The following TRMT9B variants were observed in gnomAD, a reference collection of about 807,000 sequenced individuals.
TRMT9B encodes tRNA methyltransferase 9B (putative), also known as probable tRNA methyltransferase 9B.
TRMT9B carries 16 observed loss-of-function variants against 11.5 expected under a neutral mutation model. The ratio of observed to expected loss-of-function variants is 1.39; its 90% confidence interval spans 0.94 to 2.11. TRMT9B has a LOEUF of 2.11. TRMT9B is among the 30% of genes most tolerant of loss of function. TRMT9B has a pLI of 0.00. For missense variants in TRMT9B, 941 were observed against 553.8 expected, an observed-to-expected ratio of 1.70 and a Z score of -7.02; for synonymous variants, 274 against 192.4, an observed-to-expected ratio of 1.42 and a Z score of -3.51.
At chr8:13,006,588 A>G in intron 3 of TRMT9B, 5 of 1,418,510 alleles carry the variant, frequency 3.5e-6, no homozygotes, top group Non-Finnish European at 4.6e-6. Flanking sequence ...TTGGCATGCC[A>G]GTACCTAGAA....
intron 1 of TRMT9B, among the ~76,000 whole-genome samples, chr8:12,985,759 C>T (rs1451213094): frequency 1.3e-5 from 2 of 152,288 alleles, no homozygotes; most frequent in South Asian, 4.1e-4. Context: ...GTTTGTGATC[C>T]TTCCTCCTCT....
At chr8:12,966,624 T>C (rs539493976) in intron 1 of TRMT9B, among the ~76,000 whole-genome samples, 13 of 152,364 alleles carry the variant, frequency 8.5e-5, no homozygotes, top group African/African-American at 3.1e-4. Context: ...TTGGTCTAAA[T>C]TTTTAGTTCA....
intron 1 of TRMT9B, among the ~76,000 whole-genome samples, chr8:12,980,584 C>T (rs1469388361): frequency 6.6e-6 from 1 of 151,972 alleles, no homozygotes; most frequent in African/African-American, 2.4e-5. Flanking sequence ...TAGAAAATGC[C>T]GTGAGATATT....
Position 13,022,314 on chromosome 8 carries a change from C to G in TRMT9B, c.*270C>G, listed in dbSNP as rs1312052139. 4 of 332,288 alleles carry G rather than the reference C, an allele frequency of 1.2e-5. No individual in the cohort carries two copies. Among genetic ancestry groups the G allele is most frequent in the Admixed American group, 4.7e-5 (1 of 21,326 alleles). The allele number at this position is 332,288 out of a possible 1,614,324, so 20.6% of individuals were successfully genotyped here. The stretch of plus-strand genomic sequence containing the variant: ...AAAGTACCCTTCAGTACACCTCAGA[C>G]TTTTTTTTAACCCCAGAGAGATAAA... On this transcript the variant is annotated 3_prime_UTR_variant, in exon 5 of 5. Transcript: ENST00000524591.
intron 4 of TRMT9B, among the ~76,000 whole-genome samples, chr8:13,015,292 A>G (rs1812428380): frequency 6.7e-6 from 1 of 150,194 alleles, no homozygotes; most frequent in Admixed American, 6.6e-5. Context: ...ATATTTTATC[A>G]TTTGTTGTCA....
Position 13,024,229 on chromosome 8 carries a change from G to A in TRMT9B, c.*2185G>A, listed in dbSNP as rs192715282. ...CGGCTGTTTTTTTGTATTTTTAGGA[G>A]AGACGGGGTTTCACCGTGTTAGCCA... On this transcript the variant is annotated 3_prime_UTR_variant, in exon 5 of 5. Coordinates refer to ENST00000524591, the MANE Select transcript of TRMT9B (RefSeq NM_020844.3). 797 of 154,100 alleles carry A rather than the reference G, an allele frequency of 5.2e-3. 3 individuals carry two copies. Among genetic ancestry groups the A allele is most frequent in the Non-Finnish European group, 7.8e-3 (528 of 68,088 alleles). 9.5% of individuals were successfully genotyped at this position (154,100 alleles called of 1,614,324 possible).
At chr8:13,002,356 CGTAAATAGACT>C (rs1036591787) in intron 2 of TRMT9B, among the ~76,000 whole-genome samples, 1 of 152,114 alleles carries the variant, frequency 6.6e-6, no homozygotes, top group African/African-American at 2.4e-5. Flanking sequence ...AAAGGGGAAA[CGTAAATAGACT>C]AAAATCTACT....
chr8:13,021,248 A>G lies in TRMT9B; in HGVS notation c.569A>G (p.Tyr190Cys). Reference sequence around the variant, plus strand: ...GGATACCCAGAAAGAGGCCATCCCTACCATCCTCCTTGCTCTGAGTGTAGC... The same window carrying G: ...GGATACCCAGAAAGAGGCCATCCCTGCCATCCTCCTTGCTCTGAGTGTAGC... ...QCGYPERGHP[Y>C]HPPCSECSCS... The change falls in exon 5 of 5, where the codon TAC becomes TGC. Residue 190 changes from tyrosine to cysteine, a missense_variant. Coordinates refer to ENST00000524591, the MANE Select transcript of TRMT9B (RefSeq NM_020844.3). 1.9e-6 allele frequency: 3 copies of G among 1,613,986 alleles called. No homozygotes were observed. Among genetic ancestry groups the G allele is most frequent in the Non-Finnish European group, 1.7e-6 (2 of 1,179,876 alleles).
intron 1 of TRMT9B, among the ~76,000 whole-genome samples, chr8:12,981,747 G>C (rs1805430346): frequency 6.6e-6 from 1 of 151,838 alleles, no homozygotes; most frequent in Non-Finnish European, 1.5e-5. Flanking sequence ...CTATAGGCAT[G>C]CACCACCACA....
chr8:12,953,409 G>C (rs1474306171), intron 1 of TRMT9B, among the ~76,000 whole-genome samples: 1 of 152,104 alleles, frequency 6.6e-6, no homozygotes, highest in Non-Finnish European at 1.5e-5. Context: ...GGGTGCAGTG[G>C]TGCGATCTTG....
intron 1 of TRMT9B, among the ~76,000 whole-genome samples, chr8:12,969,822 C>A (rs1412031340): frequency 6.6e-6 from 1 of 151,284 alleles, no homozygotes; most frequent in Non-Finnish European, 1.5e-5. Flanking sequence ...CAGGCCTGCA[C>A]CACCACACCC....
chr8:12,954,867 G>T (rs1175933578), intron 1 of TRMT9B, among the ~76,000 whole-genome samples: 2 of 152,138 alleles, frequency 1.3e-5, no homozygotes, highest in Non-Finnish European at 2.9e-5. Context: ...CATTTTAAGA[G>T]TTTGAACTAG....
intron 1 of TRMT9B, among the ~76,000 whole-genome samples, chr8:12,972,549 C>T (rs1050352252): frequency 3.9e-5 from 6 of 152,172 alleles, no homozygotes; most frequent in East Asian, 1.9e-4. Flanking sequence ...AGAGAGGAGC[C>T]GGTCCCCTCT....
chr8:12,971,137 T>C (rs935272897), intron 1 of TRMT9B, among the ~76,000 whole-genome samples: 1 of 152,240 alleles, frequency 6.6e-6, no homozygotes, highest in African/African-American at 2.4e-5. Flanking sequence ...GCAGTTCTTG[T>C]AGCTATTTTG....
chr8:12,969,001 C>G (rs374840268), intron 1 of TRMT9B, among the ~76,000 whole-genome samples: 6 of 152,122 alleles, frequency 3.9e-5, no homozygotes, highest in Non-Finnish European at 7.4e-5. Flanking sequence ...CACCTGAGGT[C>G]GGGAGTTCGA....
intron 1 of TRMT9B, chr8:12,958,716 C>G (rs77120702): frequency 4.6e-5 from 7 of 152,234 alleles, no homozygotes; most frequent in African/African-American, 1.7e-4. Flanking sequence ...TGAGATTGAA[C>G]AAAAGAATTC....
chr8:13,002,042 T>TTAAAA (rs1809540358), intron 2 of TRMT9B, among the ~76,000 whole-genome samples: 1 of 152,348 alleles, frequency 6.6e-6, no homozygotes, highest in African/African-American at 2.4e-5. Flanking sequence ...AAATCTGCAG[T>TTAAAA]GTTTATAAAG....
At position 12,990,891 on chromosome 8, in the gene TRMT9B, AT is replaced by A. The variant is rs1563374073; in HGVS notation, c.-139del. On this transcript the variant is annotated 5_prime_UTR_variant, in exon 2 of 5. The change creates a premature stop within an existing upstream ORF in the 5' untranslated region. Coordinates refer to ENST00000524591, the MANE Select transcript of TRMT9B (RefSeq NM_020844.3). ...GGTTTATCATGAGAAGGACCGCACT[AT>A]TTCATTTCACTCCTACAAGTTTTCA... 39 of 1,289,464 alleles carry A rather than the reference AT, an allele frequency of 3.0e-5. No homozygotes were observed. The highest frequency in any genetic ancestry group is 3.8e-5 in the Non-Finnish European group (38 of 988,652). 79.9% of individuals were successfully genotyped at this position (1,289,464 alleles called of 1,614,324 possible). A position where few individuals can be genotyped will look rare whatever the true frequency, so the allele number is the denominator to read the frequency against.
chr8:13,019,470 T>G (rs1014616274), intron 4 of TRMT9B, among the ~76,000 whole-genome samples: 3 of 152,130 alleles, frequency 2.0e-5, no homozygotes, highest in African/African-American at 7.2e-5. Context: ...TTTTTTATAT[T>G]TTTTGTAGAG....
Sources: allele counts gnomAD v4.1 joint callset (sites outside exome capture counted in the v4.1 genomes callset), GRCh38; gene constraint gnomAD v4.1.1; transcripts MANE v1.5; gene names NCBI Gene and HGNC (gene_info 2026-07-23, HGNC 2026-07-21).